Variants in TENT4B observed in about 807,000 individuals in gnomAD.
TENT4B encodes PAP associated domain containing 5.
Under a neutral mutation model 75.0 loss-of-function variants are expected in TENT4B, and 10 were observed. The ratio of observed to expected loss-of-function variants is 0.13; its 90% CI spans 0.08 to 0.23. The LOEUF (loss-of-function observed/expected upper bound fraction) is 0.23, where lower values mean the gene tolerates loss of function less well. TENT4B is among the 10% of genes least tolerant of loss of function. The pLI is 1.00. For missense variants in TENT4B, 579 were observed against 893.8 expected, an observed-to-expected ratio of 0.65 and a Z score of 4.49; for synonymous variants, 350 against 357.7, an observed-to-expected ratio of 0.98 and a Z score of 0.24.
At chr16:50,214,013 C>T (rs1462599299) in intron 2 of TENT4B, among the ~76,000 whole-genome samples, 1 of 152,088 alleles carries the variant, frequency 6.6e-6, no homozygotes, top group Non-Finnish European at 1.5e-5. Flanking sequence ...CATATTGAAC[C>T]AGATAAGTTT....
chr16:50,158,388 G>A (rs2037941978), intron 1 of TENT4B, among the ~76,000 whole-genome samples: 1 of 152,114 alleles, frequency 6.6e-6, no homozygotes, highest in African/African-American at 2.4e-5. Context: ...TGCCTGGCCT[G>A]GCCTTTTATG....
At chr16:50,218,847 C>T (rs967584394) in intron 5 of TENT4B, among the ~76,000 whole-genome samples, 3 of 152,148 alleles carry the variant, frequency 2.0e-5, no homozygotes, top group African/African-American at 4.8e-5. Flanking sequence ...GAACATTTTA[C>T]ATACTTAGGT....
intron 1 of TENT4B, among the ~76,000 whole-genome samples, chr16:50,206,851 T>A (rs1033145484): frequency 1.3e-5 from 2 of 151,792 alleles, no homozygotes; most frequent in African/African-American, 4.8e-5. Context: ...AAAATTCACA[T>A]AATTTTGATA....
intron 1 of TENT4B, among the ~76,000 whole-genome samples, chr16:50,163,522 C>G (rs953377039): frequency 6.6e-6 from 1 of 150,668 alleles, no homozygotes; most frequent in East Asian, 2.0e-4. Flanking sequence ...GCCTCATCCT[C>G]CCGAGTAGCT....
intron 1 of TENT4B, among the ~76,000 whole-genome samples, chr16:50,193,639 G>A (rs564910308): frequency 2.0e-5 from 3 of 152,112 alleles, no homozygotes; most frequent in Non-Finnish European, 4.4e-5. Flanking sequence ...CGCCTGGCCA[G>A]GTCCTGGAGT....
intron 2 of TENT4B, among the ~76,000 whole-genome samples, chr16:50,212,145 C>T (rs2031313733): frequency 6.6e-6 from 1 of 152,140 alleles, no homozygotes; most frequent in African/African-American, 2.4e-5. Context: ...ACTGCAGCCT[C>T]GATTTCCTGG....
intron 1 of TENT4B, among the ~76,000 whole-genome samples, chr16:50,209,362 C>T (rs1313974990): frequency 1.3e-5 from 2 of 152,180 alleles, no homozygotes; most frequent in African/African-American, 4.8e-5. Flanking sequence ...AACAGCTATT[C>T]CCATTCAGCT....
chr16:50,181,339 T>G (rs1283847950), intron 1 of TENT4B, among the ~76,000 whole-genome samples: 4 of 152,024 alleles, frequency 2.6e-5, no homozygotes, highest in African/African-American at 9.7e-5. Flanking sequence ...TTTTTTTTTT[T>G]TTCCCCTGAG....
At chr16:50,177,950 CTT>C (rs1011711614) in intron 1 of TENT4B, among the ~76,000 whole-genome samples, 2 of 151,960 alleles carry the variant, frequency 1.3e-5, no homozygotes, top group Non-Finnish European at 2.9e-5. Flanking sequence ...AGAAATATCT[CTT>C]GAGACTTCTT....
chr16:50,166,559 C>T (rs1331698079), intron 1 of TENT4B, among the ~76,000 whole-genome samples: 1 of 152,074 alleles, frequency 6.6e-6, no homozygotes, highest in East Asian at 1.9e-4. Flanking sequence ...AATCTTTTGA[C>T]TATTTTAAAA....
intron 1 of TENT4B, among the ~76,000 whole-genome samples, chr16:50,172,064 T>C (rs2038216244): frequency 6.6e-6 from 1 of 151,546 alleles, no homozygotes; most frequent in Non-Finnish European, 1.5e-5. Flanking sequence ...AAAAATACAG[T>C]GTAGGCCAGG....
intron 1 of TENT4B, among the ~76,000 whole-genome samples, chr16:50,180,130 G>A (rs1429655436): frequency 2.7e-5 from 4 of 149,366 alleles, no homozygotes; most frequent in Non-Finnish European, 4.4e-5. Flanking sequence ...TTGAGATGGC[G>A]TCTCGCTCTT....
chr16:50,215,261 A>G (rs1244745642), intron 3 of TENT4B, among the ~76,000 whole-genome samples: 2 of 152,188 alleles, frequency 1.3e-5, no homozygotes, highest in Non-Finnish European at 2.9e-5. Context: ...TAAAGTCAGC[A>G]TCATGTTTTT....
At chr16:50,226,193 G>T (rs2032045508) in intron 10 of TENT4B, among the ~76,000 whole-genome samples, 1 of 151,676 alleles carries the variant, frequency 6.6e-6, no homozygotes, top group Admixed American at 6.6e-5. Context: ...TAGAGATGGG[G>T]TTTCACCATG....
intron 1 of TENT4B, among the ~76,000 whole-genome samples, chr16:50,182,954 A>G (rs1363951271): frequency 2.5e-5 from 3 of 118,742 alleles, no homozygotes; most frequent in Non-Finnish European, 4.9e-5. Flanking sequence ...GCTGGGCTCA[A>G]GCAATCCTTC....
chr16:50,210,956 A>G (rs963104743), intron 1 of TENT4B, among the ~76,000 whole-genome samples: 1 of 152,212 alleles, frequency 6.6e-6, no homozygotes, highest in Non-Finnish European at 1.5e-5. Flanking sequence ...TGAGGAATGG[A>G]TCCCCAAGAG....
chr16:50,234,863 A>G lies in TENT4B; in HGVS notation c.*5535A>G, dbSNP rs2150759379. ...ATATACATAGATAACGTGTATTTAG[A>G]AACTTTGGTGAAGCCAGTATTTGTT... On this transcript the variant is annotated 3_prime_UTR_variant, in exon 12 of 12. Transcript: ENST00000561678. 1.0e-6 allele frequency: 1 copy of G among 985,832 alleles called. No homozygotes were observed. Among genetic ancestry groups the G allele is most frequent in the Admixed American group, 6.1e-5 (1 of 16,294 alleles). 61.1% of individuals were successfully genotyped at this position (985,832 alleles called of 1,614,324 possible).
At chr16:50,187,588 G>A (rs1234978593) in intron 1 of TENT4B, among the ~76,000 whole-genome samples, 1 of 152,118 alleles carries the variant, frequency 6.6e-6, no homozygotes, top group Non-Finnish European at 1.5e-5. Flanking sequence ...ATCGTGCGGG[G>A]TGGGGGGTAA....
In TENT4B at chr16:50,229,647, G is replaced by C; in HGVS notation, c.*319G>C. ...ATATATTTCTCATTGGCTTTATGCA[G>C]AGTTATAGGGAATAGTATTCAGTGT... On this transcript the variant is annotated 3_prime_UTR_variant, in exon 12 of 12. Coordinates refer to ENST00000561678, the MANE Select transcript of TENT4B (RefSeq NM_001365324.3). The C allele has an allele frequency of 2.9e-6, 3 of 1,042,080 alleles. No homozygotes were observed. Among genetic ancestry groups the C allele is most frequent in the South Asian group, 8.5e-5 (2 of 23,508 alleles). The allele number at this position is 1,042,080 out of a possible 1,614,324, so 64.6% of individuals were successfully genotyped here.
Sources: gnomAD v4.1 joint callset for allele counts (sites outside exome capture counted in the v4.1 genomes callset) on GRCh38, gnomAD v4.1.1 for gene constraint, MANE v1.5 for transcripts, NCBI Gene and HGNC (gene_info 2026-07-23, HGNC 2026-07-21) for gene names.